RUVBL1: variants seen among roughly 807,000 people sequenced by gnomAD.
The protein encoded by RUVBL1 is ruvB-like 1.
A neutral mutation model predicts 52.4 loss-of-function variants in RUVBL1; 4 were observed. The observed-to-expected ratio is 0.08, with a 90% CI of 0.04 to 0.17. The LOEUF is 0.17. RUVBL1 is among the 10% of genes least tolerant of loss of function. The pLI is 1.00. For synonymous variants in RUVBL1, 217 were observed against 214.4 expected (o/e 1.01, Z -0.10); for missense variants, 298 against 572.8 (o/e 0.52, Z 4.90).
chr3:128,104,755 C>A lies in RUVBL1; in HGVS notation c.513+18G>T, dbSNP rs769214043. The stretch of plus-strand genomic sequence containing the variant: ...GCTGGGAGAGTCAAGGGAAAAGAGG[C>A]CACATACATGTACTCACTTTCAACT... On this transcript the variant is annotated intron_variant, in intron 4 of 10. Coordinates refer to ENST00000322623, the MANE Select transcript of RUVBL1 (RefSeq NM_003707.3). The A allele has an allele frequency of 1.6e-5, 25 of 1,589,226 alleles. No individual in the cohort carries two copies. The South Asian group carries it at 2.7e-4, about 17-fold the overall frequency.
At chr3:128,146,572 G>C (rs770365038) in intron 1 of RUVBL1, among the ~76,000 whole-genome samples, 1 of 151,138 alleles carries the variant, frequency 6.6e-6, no homozygotes, top group South Asian at 2.1e-4. Flanking sequence ...GTGCGTCTGT[G>C]TATCTCTATG....
intron 7 of RUVBL1, 108 bp downstream of exon 7, chr3:128,098,774 T>A (rs1365320234): frequency 2.2e-6 from 2 of 922,452 alleles, no homozygotes; most frequent in Non-Finnish European, 3.5e-6. Context: ...AAAGAACTGT[T>A]CTGAGGCATT....
chr3:128,075,504 G>A (rs2107662211), intron 9 of RUVBL1, among the ~76,000 whole-genome samples: 1 of 152,302 alleles, frequency 6.6e-6, no homozygotes, highest in East Asian at 1.9e-4. Flanking sequence ...GCCCAACTCA[G>A]CCTTCCCCCA....
intron 8 of RUVBL1, among the ~76,000 whole-genome samples, chr3:128,090,608 T>C (rs994159311): frequency 4.6e-5 from 7 of 152,248 alleles, no homozygotes; most frequent in African/African-American, 1.7e-4. Context: ...AGAAAACTTA[T>C]CTTTTTCCAG....
chr3:128,088,960 G>T (rs1942741785), intron 8 of RUVBL1, among the ~76,000 whole-genome samples: 1 of 152,044 alleles, frequency 6.6e-6, no homozygotes, highest in African/African-American at 2.4e-5. Flanking sequence ...ACCCTGAATA[G>T]CTACTTGAAT....
downstream of RUVBL1, chr3:128,078,713 G>A (rs1186192424): frequency 6.6e-6 from 1 of 152,202 alleles, no homozygotes; most frequent in East Asian, 1.9e-4. Context: ...CTGATAAGAT[G>A]TAACAAATAT....
intron 2 of RUVBL1, among the ~76,000 whole-genome samples, chr3:128,113,746 T>G (rs1215631558): frequency 6.6e-6 from 1 of 152,182 alleles, no homozygotes; most frequent in African/African-American, 2.4e-5. Context: ...AGGGCCAACT[T>G]TACAGTCATC....
intron 9 of RUVBL1, chr3:128,069,714 G>T: frequency 6.5e-7 from 1 of 1,533,564 alleles, no homozygotes; most frequent in Non-Finnish European, 9.0e-7. Context: ...CCTCGGAAGG[G>T]GAGCTCTCAT....
chr3:128,153,251 G>T, exon 1 of RUVBL1: 1 of 1,341,492 alleles, frequency 7.5e-7, no homozygotes, highest in Non-Finnish European at 9.5e-7. Context: ...CTCCATCTCG[G>T]GCTCCTAGAG....
intron 3 of RUVBL1, among the ~76,000 whole-genome samples, chr3:128,110,788 G>A (rs1943370065): frequency 6.6e-6 from 1 of 152,096 alleles, no homozygotes; most frequent in Non-Finnish European, 1.5e-5. Context: ...AGCACTTTAT[G>A]ACACTTCCCT....
intron 8 of RUVBL1, among the ~76,000 whole-genome samples, chr3:128,093,592 T>C (rs969983524): frequency 1.3e-5 from 2 of 152,264 alleles, no homozygotes; most frequent in Middle Eastern, 3.4e-3. Flanking sequence ...CAAAGTGACT[T>C]TCAGTGAGAA....
intron 1 of RUVBL1, among the ~76,000 whole-genome samples, chr3:128,123,173 C>G: frequency 6.6e-6 from 1 of 152,176 alleles, no homozygotes; most frequent in East Asian, 1.9e-4. Flanking sequence ...CAGTAACTAA[C>G]CCCACCAAGA....
intron 1 of RUVBL1, among the ~76,000 whole-genome samples, chr3:128,145,232 T>G (rs143233448): frequency 6.6e-6 from 1 of 152,346 alleles, no homozygotes; most frequent in African/African-American, 2.4e-5. Flanking sequence ...ATCATTACCC[T>G]GTGAGTTAGG....
intron 9 of RUVBL1, chr3:128,066,837 C>A: frequency 1.1e-6 from 1 of 930,376 alleles, no homozygotes; most frequent in Non-Finnish European, 1.7e-6. Flanking sequence ...GCCCCAGAAC[C>A]AGCACACAGG....
At chr3:128,070,294 C>G (rs72974055) in intron 9 of RUVBL1, 2 of 152,310 alleles carry the variant, frequency 1.3e-5, no homozygotes. Context: ...GTGGATTTGT[C>G]TGTGCACCTA....
In RUVBL1 at chr3:128,105,865, CTTTTTTTTTTTTTTTT is replaced by C. The variant is rs11311563; in HGVS notation, c.362-957_362-942del. 7.9e-5 allele frequency among the ~76,000 whole-genome samples: 7 copies of C among 88,908 alleles called. No homozygotes were observed. In the East Asian group the frequency reaches 2.3e-3, roughly 29 times the overall value. 58.3% of individuals were successfully genotyped at this position (88,908 alleles called of 152,430 possible). A position where few individuals can be genotyped will look rare whatever the true frequency, so the allele number is the denominator to read the frequency against. On this transcript the variant is annotated intron_variant, in intron 3 of 10. Coordinates refer to ENST00000322623, the MANE Select transcript of RUVBL1 (RefSeq NM_003707.3). ...TCTTTCTTTCTTTCTTTCCCTTTTT[CTTTTTTTTTTTTTTTT>C]TTTTTTGAGATAGAATCTCATTCTG...
chr3:128,153,161 C>T (rs1251052833), intron 1 of RUVBL1: 2 of 1,134,740 alleles, frequency 1.8e-6, no homozygotes, highest in Non-Finnish European at 2.2e-6. Context: ...ATTTTACAAT[C>T]CTCTTGATAG....
intron 1 of RUVBL1, among the ~76,000 whole-genome samples, chr3:128,122,561 G>C (rs554426274): frequency 2.0e-5 from 3 of 152,290 alleles, no homozygotes; most frequent in African/African-American, 4.8e-5. Context: ...AGTAAGCCAG[G>C]GTCAAACACT....
intron 9 of RUVBL1, among the ~76,000 whole-genome samples, chr3:128,087,093 ACT>A (rs935920374): frequency 2.0e-5 from 3 of 152,188 alleles, no homozygotes; most frequent in Non-Finnish European, 4.4e-5. Context: ...GCCCTCAAGG[ACT>A]CTATTGCAAA....
Sources: gnomAD v4.1 joint callset for allele counts (sites outside exome capture counted in the v4.1 genomes callset) on GRCh38, gnomAD v4.1.1 for gene constraint, MANE v1.5 for transcripts, NCBI Gene and HGNC (gene_info 2026-07-23, HGNC 2026-07-21) for gene names.